Variants in ZP3 observed in about 807,000 individuals in gnomAD.
The protein encoded by ZP3 is zona pellucida glycoprotein 3.
ZP3 carries 21 observed loss-of-function variants against 35.6 expected under a neutral mutation model. That is an observed-to-expected ratio of 0.59 (90% CI 0.42 to 0.85). ZP3 has a LOEUF of 0.85. Ranked by LOEUF, ZP3 falls within the 40% of genes least tolerant of loss-of-function variation. ZP3 has a pLI of 0.00. For missense variants in ZP3, 437 were observed against 536.5 expected, an observed-to-expected ratio of 0.81 and a Z score of 1.83; for synonymous variants, 207 against 214.5, an observed-to-expected ratio of 0.96 and a Z score of 0.31.
chr7:76,416,827 T>C (rs111755716), intron 1 of ZP3, among the ~76,000 whole-genome samples: 2,550 of 147,726 alleles, frequency 0.017, 88 homozygotes, highest in African/African-American at 0.06. Flanking sequence ...TATATATATA[T>C]ACATATACAT....
At chr7:76,427,391 C>A (rs888300804) in intron 1 of ZP3, among the ~76,000 whole-genome samples, 1 of 151,924 alleles carries the variant, frequency 6.6e-6, no homozygotes, top group Non-Finnish European at 1.5e-5. Flanking sequence ...GTGGCGGGCA[C>A]CTGTAATCCC....
upstream of ZP3, among the ~76,000 whole-genome samples, chr7:76,422,353 C>T (rs1353101080): frequency 1.3e-5 from 2 of 152,138 alleles, no homozygotes; most frequent in Non-Finnish European, 2.9e-5. Flanking sequence ...CTACCCCAAC[C>T]ATGGGTCCTC....
rs777796401 is a variant in ZP3 at position 76,433,595 on chromosome 7, C to G, written c.661C>G (p.Pro221Ala). The G allele has an allele frequency of 5.0e-6, 8 of 1,613,978 alleles. No individual in the cohort carries two copies. Among genetic ancestry groups the G allele is most frequent in the Admixed American group, 1.7e-5 (1 of 59,990 alleles). ...GTTTGTGGACCACTGCGTGGCCACA[C>G]CGACACCAGACCAGAATGCCTCCCC... ...RLFVDHCVAT[P>A]TPDQNASPYH... Residue 221 changes from proline (P) to alanine (A), a missense_variant, in exon 4 of 8, where the codon CCG becomes GCG. Transcript: ENST00000394857.
chr7:76,429,657 C>T lies in ZP3; in HGVS notation c.431+24C>T, dbSNP rs774011842. The T allele has an allele frequency of 2.8e-5, 45 of 1,597,804 alleles. No individual in the cohort carries two copies. The Admixed American group carries it at 7.0e-4, about 25-fold the overall frequency. On this transcript the variant is annotated intron_variant, in intron 2 of 7. Coordinates refer to ENST00000394857, the MANE Select transcript of ZP3 (RefSeq NM_001110354.2). ...AGGTCGGTGTGGGACTGACTCATGG[C>T]CCCTGGTGCAAAAGCCCCTTGGGTG...
chr7:76,404,511 A>G, intron 1 of ZP3: 1 of 1,610,392 alleles, frequency 6.2e-7, no homozygotes, highest in Non-Finnish European at 8.5e-7. Flanking sequence ...AACATCTGAA[A>G]TTAAAGATCC....
intron 7 of ZP3, 94 bp from the exon 8 acceptor site, chr7:76,441,748 T>C (rs1438981723): frequency 1.0e-5 from 12 of 1,152,238 alleles, no homozygotes; most frequent in African/African-American, 1.5e-5. Context: ...AAAGACAACA[T>C]ATTAGTTTAG....
At chr7:76,416,569 G>C (rs1805374581) in intron 1 of ZP3, among the ~76,000 whole-genome samples, 2 of 152,064 alleles carry the variant, frequency 1.3e-5, no homozygotes, top group South Asian at 4.2e-4. Context: ...CACTTTGGGA[G>C]GCTGAGGCAA....
upstream of ZP3, among the ~76,000 whole-genome samples, chr7:76,421,223 T>C (rs1335817198): frequency 6.6e-6 from 1 of 152,078 alleles, no homozygotes; most frequent in Non-Finnish European, 1.5e-5. Flanking sequence ...CGTGAGCCAC[T>C]GCGCCCCGCC....
chr7:76,433,410 C>T (rs1805895542), intron 3 of ZP3, 60 bp from the exon 4 acceptor site: 2 of 1,551,956 alleles, frequency 1.3e-6, no homozygotes, highest in Non-Finnish European at 1.7e-6. Context: ...CTGCCTCAGC[C>T]TCCCAAGGTG....
intron 1 of ZP3, chr7:76,409,434 C>CT (rs1805172564): frequency 1.3e-5 from 2 of 152,334 alleles, no homozygotes; most frequent in Admixed American, 6.6e-5. Context: ...GTTCTGGGCT[C>CT]TTTCTGTCCC....
chr7:76,420,836 C>G (rs747214481), upstream of ZP3, among the ~76,000 whole-genome samples: 5 of 152,002 alleles, frequency 3.3e-5, no homozygotes, highest in African/African-American at 7.2e-5. Flanking sequence ...CATATCCTCC[C>G]TCTCTCCCTG....
Position 76,404,453 on chromosome 7 carries a change from G to C in ZP3, c.-67+6656G>C, listed in dbSNP as rs78570745. On this transcript the variant is annotated intron_variant, in intron 1 of 8. Coordinates refer to the ZP3 transcript ENST00000336517. ...TTCCTTGTGCATCTAGATGGTGAAGGGTGTTTCAGATGCTCCCATCAAGGC... is the reference window on the plus strand; with the variant it reads ...TTCCTTGTGCATCTAGATGGTGAAGCGTGTTTCAGATGCTCCCATCAAGGC... 2.8e-4 allele frequency: 457 copies of C among 1,613,958 alleles called. 3 individuals carry two copies. In the East Asian group the frequency reaches 3.9e-3, roughly 14 times the overall value.
chr7:76,404,552 G>A, intron 1 of ZP3: 1 of 1,540,074 alleles, frequency 6.5e-7, no homozygotes, highest in Admixed American at 1.7e-5. Context: ...AGCACTTTGG[G>A]AGGCCGAGGT....
At chr7:76,441,281 C>G (rs1198418618) in intron 7 of ZP3, among the ~76,000 whole-genome samples, 1 of 150,508 alleles carries the variant, frequency 6.6e-6, no homozygotes, top group Non-Finnish European at 1.5e-5. Flanking sequence ...CTCGACCAGC[C>G]TGGGCAACAT....
At chr7:76,417,574 G>A (rs1291678519) in intron 1 of ZP3, among the ~76,000 whole-genome samples, 2 of 151,120 alleles carry the variant, frequency 1.3e-5, no homozygotes, top group African/African-American at 4.9e-5. Context: ...GTCTTCCCAG[G>A]TTGACACGTA....
upstream of ZP3, among the ~76,000 whole-genome samples, chr7:76,423,029 A>AGAGAGAGAG (rs767704641): frequency 0.013 from 719 of 55,326 alleles, 18 homozygotes; most frequent in Non-Finnish European, 0.015. Flanking sequence ...GAGAGAGAGA[A>AGAGAGAGAG]AGAAAGAAAG....
Position 76,440,324 on chromosome 7 carries a change from C to T in ZP3, c.906C>T (p.Phe302=), listed in dbSNP as rs1433525576. The T allele has an allele frequency of 6.2e-7, 1 of 1,608,174 alleles. No homozygotes were observed. Among genetic ancestry groups the T allele is most frequent in the South Asian group, 1.1e-5 (1 of 90,564 alleles). Residue 302 remains phenylalanine, a synonymous_variant, in exon 6 of 8, where the codon TTC becomes TTT. Transcript: ENST00000394857. ...ATGAACTCAACAAGGCCTGTTCCTT[C>T]AGCAAGCCTTCCAACAGGTGAGGAG... The part of the protein sequence containing the change: ...DPDELNKACS[F]SKPSNSWFPV...
At chr7:76,423,137 G>C (rs1563695687), upstream of ZP3, among the ~76,000 whole-genome samples, 1 of 151,380 alleles carries the variant, frequency 6.6e-6, no homozygotes, top group African/African-American at 2.4e-5. Flanking sequence ...CTTCATTGGA[G>C]CTTATGCCCA....
chr7:76,417,161 G>A (rs1049707088), intron 1 of ZP3, among the ~76,000 whole-genome samples: 4 of 151,824 alleles, frequency 2.6e-5, no homozygotes, highest in Admixed American at 2.0e-4. Context: ...AGGTTCACGC[G>A]ATTCTCCTGC....
Sources: gnomAD v4.1 joint callset for allele counts (sites outside exome capture counted in the v4.1 genomes callset) on GRCh38, gnomAD v4.1.1 for gene constraint, MANE v1.5 for transcripts, NCBI Gene and HGNC (gene_info 2026-07-23, HGNC 2026-07-21) for gene names.